The following REEP5 variants were observed in gnomAD, a reference collection of about 807,000 sequenced individuals.
REEP5 encodes receptor accessory protein 5.
REEP5 carries 24 observed loss-of-function variants against 22.4 expected under a neutral mutation model. That is an observed-to-expected ratio of 1.07 (90% CI 0.78 to 1.51). The LOEUF is 1.51. REEP5 is among the 40% of genes most tolerant of loss of function. The pLI, the probability that REEP5 is intolerant of heterozygous loss-of-function variation, is 0.00. For synonymous variants in REEP5, 103 were observed against 88.6 expected, an observed-to-expected ratio of 1.16 and a Z score of -0.92; for missense variants, 252 against 233.0, an observed-to-expected ratio of 1.08 and a Z score of -0.53.
At chr5:112,892,090 G>C (rs1013032986) in intron 3 of REEP5, 2 of 1,612,458 alleles carry the variant, frequency 1.2e-6, no homozygotes, top group African/African-American at 2.7e-5. Context: ...GGCTGAAAAT[G>C]ATTTAGAAAA....
At chr5:112,879,542 C>T (rs780398991) in intron 4 of REEP5, among the ~76,000 whole-genome samples, 5 of 152,146 alleles carry the variant, frequency 3.3e-5, no homozygotes, top group Non-Finnish European at 7.3e-5. Context: ...GGCGCGATCT[C>T]GGCTCACTAC....
At chr5:112,894,310 G>A (rs1768608378) in intron 3 of REEP5, 1 of 152,214 alleles carries the variant, frequency 6.6e-6, no homozygotes, top group Admixed American at 6.5e-5. Flanking sequence ...AGTAGAGACA[G>A]GGTTTCACCA....
chr5:112,903,290 A>C (rs1768888484), intron 2 of REEP5, among the ~76,000 whole-genome samples: 1 of 152,194 alleles, frequency 6.6e-6, no homozygotes, highest in South Asian at 2.1e-4. Context: ...ATCGTAACTG[A>C]GCTGGACTGA....
intron 3 of REEP5, chr5:112,897,104 A>C (rs1471461318): frequency 6.6e-6 from 1 of 152,168 alleles, no homozygotes; most frequent in African/African-American, 2.4e-5. Context: ...ACTGAATAAC[A>C]TGAGAAAATA....
intron 2 of REEP5, among the ~76,000 whole-genome samples, chr5:112,904,649 T>C (rs1195090882): frequency 6.6e-6 from 1 of 152,192 alleles, no homozygotes. Flanking sequence ...TCGGTAAGCA[T>C]ACATTTTACA....
At chr5:112,892,004 AAG>A (rs563712600) in intron 3 of REEP5, 58 of 1,273,612 alleles carry the variant, frequency 4.6e-5, no homozygotes, top group Non-Finnish European at 5.5e-5. Context: ...CAGCAGAGGA[AAG>A]AGAGAGAAGA....
At chr5:112,879,089 C>T (rs1302400400) in intron 4 of REEP5, among the ~76,000 whole-genome samples, 1 of 152,100 alleles carries the variant, frequency 6.6e-6, no homozygotes, top group Non-Finnish European at 1.5e-5. Context: ...CTTGTTGTGA[C>T]AGTGTCACCG....
intron 2 of REEP5, among the ~76,000 whole-genome samples, chr5:112,913,270 GCAA>G (rs1769147387): frequency 6.6e-6 from 1 of 150,984 alleles, no homozygotes; most frequent in Non-Finnish European, 1.5e-5. Flanking sequence ...TCCAGCCTGG[GCAA>G]CAAGAGGGAA....
rs2150050347 is a variant in REEP5 at position 112,922,078 on chromosome 5, G to A, written c.113C>T (p.Ala38Val). The change falls in exon 1 of 5, where the codon GCT becomes GTT. Residue 38 changes from alanine to valine, a missense_variant. Transcript: ENST00000379638. ...AKTGVNRSFI[A>V]LGVIGLVALY... ...GGCGACCCCCGGCCACCCACCAAGA[G>A]CGATGAAGCTCCTGTTCACGCCGGT... The A allele has an allele frequency of 6.3e-7, 1 of 1,597,824 alleles. No homozygotes were observed. The highest frequency in any genetic ancestry group is 8.5e-7 in the Non-Finnish European group (1 of 1,172,602).
Position 112,922,160 on chromosome 5 carries a change from G to C in REEP5, c.31C>G (p.Arg11Gly). The C allele has an allele frequency of 3.7e-6, 6 of 1,608,214 alleles. No individual in the cohort carries two copies. Among genetic ancestry groups the C allele is most frequent in the South Asian group, 1.1e-5 (1 of 90,230 alleles). ...ATGCAGTTCTTCTCGTGCAGGAACC[G>C]GTCGAACCTCTCCCTCATGGCCGCA... MSAAMRERFD[R>G]FLHEKNCMTD... is the part of the protein sequence containing the mutation. The change falls in exon 1 of 5, where the codon CGG (arginine) becomes GGG (glycine). Residue 11 changes from arginine to glycine, a missense_variant. Physicochemically the swap from Arg to Gly is moderately radical, Grantham distance 125 (BLOSUM62 -2). Coordinates refer to ENST00000379638, the MANE Select transcript of REEP5 (RefSeq NM_005669.5).
chr5:112,900,255 G>C (rs1768812010), intron 3 of REEP5, among the ~76,000 whole-genome samples: 1 of 152,060 alleles, frequency 6.6e-6, no homozygotes, highest in Non-Finnish European at 1.5e-5. Flanking sequence ...TGTAAATGTT[G>C]TAAATCTATC....
chr5:112,921,943 G>T, intron 1 of REEP5, 130 bp downstream of exon 1: 1 of 1,205,386 alleles, frequency 8.3e-7, no homozygotes, highest in Non-Finnish European at 1.1e-6. Context: ...CCTGATCCCT[G>T]AATATGCTGC....
chr5:112,907,775 C>T (rs1009534892), intron 2 of REEP5, among the ~76,000 whole-genome samples: 2 of 152,174 alleles, frequency 1.3e-5, no homozygotes, highest in African/African-American at 2.4e-5. Flanking sequence ...AGACTGTTTA[C>T]ATTTTGGCAC....
intron 2 of REEP5, among the ~76,000 whole-genome samples, chr5:112,914,084 A>T (rs550766338): frequency 6.6e-6 from 1 of 150,736 alleles, no homozygotes; most frequent in Non-Finnish European, 1.5e-5. Flanking sequence ...TCAAGGCTGC[A>T]GTGAGCTGTG....
chr5:112,920,729 A>G (rs1003991655), intron 2 of REEP5, among the ~76,000 whole-genome samples: 3 of 152,196 alleles, frequency 2.0e-5, no homozygotes, highest in African/African-American at 7.2e-5. Context: ...TACTGTCTCA[A>G]TTAACGTAAT....
At chr5:112,892,839 C>T (rs751324905) in intron 3 of REEP5, 2 of 1,613,050 alleles carry the variant, frequency 1.2e-6, no homozygotes, top group Admixed American at 1.7e-5. Flanking sequence ...ATGGGGAATC[C>T]GAGAGAAAAA....
At chr5:112,907,292 TG>T (rs1768976885) in intron 2 of REEP5, among the ~76,000 whole-genome samples, 1 of 152,206 alleles carries the variant, frequency 6.6e-6, no homozygotes, top group South Asian at 2.1e-4. Flanking sequence ...ACACTGATCC[TG>T]GGCTCAGAAC....
rs1207599757 is a variant in REEP5, at chr5:112,908,781, T to G, written c.213-6263A>C. On this transcript the variant is annotated intron_variant, in intron 2 of 4. Transcript: ENST00000379638. ...CTTGTTAGCCAGGATTGTCTCGATCTCCTGACCTCGTGATCCGCCCACCTC... is the reference window on the plus strand; with the variant it reads ...CTTGTTAGCCAGGATTGTCTCGATCGCCTGACCTCGTGATCCGCCCACCTC... 6.6e-5 allele frequency among the ~76,000 whole-genome samples: 10 copies of G among 151,846 alleles called. 1 individual carries two copies. Among genetic ancestry groups the G allele is most frequent in the Admixed American group, 6.6e-4 (10 of 15,244 alleles).
chr5:112,906,580 A>G (rs1316187013), intron 2 of REEP5, among the ~76,000 whole-genome samples: 1 of 152,144 alleles, frequency 6.6e-6, no homozygotes, highest in African/African-American at 2.4e-5. Context: ...TCTACCCTCC[A>G]CTCTACTCAC....
Sources: gnomAD v4.1 joint callset for allele counts (sites outside exome capture counted in the v4.1 genomes callset) on GRCh38, gnomAD v4.1.1 for gene constraint, MANE v1.5 for transcripts, NCBI Gene and HGNC (gene_info 2026-07-23, HGNC 2026-07-21) for gene names.